ABCC8: variants seen among roughly 807,000 people sequenced by gnomAD.
ABCC8 encodes the protein ATP-binding cassette sub-family C member 8.
Under a neutral mutation model 188.0 loss-of-function variants are expected in ABCC8, and 137 were observed. The ratio of observed to expected loss-of-function variants is 0.73; its 90% confidence interval spans 0.63 to 0.84. The LOEUF (loss-of-function observed/expected upper bound fraction) is 0.84. ABCC8 is among the 40% of genes least tolerant of loss of function. The pLI is 0.00. For missense variants in ABCC8, 1,750 were observed against 2,072.7 expected, an observed-to-expected ratio of 0.84 and a Z score of 3.02; for synonymous variants, 797 against 846.5, an observed-to-expected ratio of 0.94 and a Z score of 1.01.
intron 8 of ABCC8, among the ~76,000 whole-genome samples, chr11:17,447,816 T>C (rs1350100332): frequency 6.6e-6 from 1 of 152,204 alleles, no homozygotes; most frequent in Non-Finnish European, 1.5e-5. Flanking sequence ...AAAAGTATCA[T>C]GTTGTTGATT....
At chr11:17,469,416 T>C (rs1257374312) in intron 3 of ABCC8, among the ~76,000 whole-genome samples, 1 of 152,074 alleles carries the variant, frequency 6.6e-6, no homozygotes, top group African/African-American at 2.4e-5. Flanking sequence ...TTAGATGTCA[T>C]CTACAAGGCC....
rs574303874 is a variant in ABCC8, at chr11:17,450,791, C to T, written c.1177-2120G>A. 6.3e-4 allele frequency among the ~76,000 whole-genome samples: 92 copies of T among 144,998 alleles called. 1 individual carries two copies. The highest frequency in any genetic ancestry group is 1.8e-3 in the Admixed American group (24 of 13,650). On this transcript the variant is annotated intron_variant, in intron 7 of 38. Coordinates refer to ENST00000389817, the MANE Select transcript of ABCC8 (RefSeq NM_000352.6). ...GCAACCTCCACCTGCTGGGTTCAAG[C>T]GATTCTCCTGCCTCAGCCTCCTGAG... is the stretch of plus-strand genomic sequence containing the variant.
chr11:17,424,958 C>A (rs571196026), intron 16 of ABCC8, among the ~76,000 whole-genome samples: 1 of 152,196 alleles, frequency 6.6e-6, no homozygotes, highest in Admixed American at 6.5e-5. Flanking sequence ...ATGCACTTAG[C>A]AAAGGGCATG....
At chr11:17,443,424 C>A in intron 8 of ABCC8, 112 bp from the exon 9 acceptor site, 1 of 1,575,760 alleles carries the variant, frequency 6.3e-7, no homozygotes, top group South Asian at 1.1e-5. Context: ...GCCTTGGTGC[C>A]CAGGTTTCCA....
intron 12 of ABCC8, chr11:17,428,893 T>C (rs1482374089): frequency 9.6e-6 from 7 of 732,578 alleles, no homozygotes; most frequent in Admixed American, 8.8e-5. Flanking sequence ...GGGTCTGGAT[T>C]GGAGGTGAGA....
At chr11:17,462,950 C>T (rs1293232921) in intron 4 of ABCC8, among the ~76,000 whole-genome samples, 3 of 152,118 alleles carry the variant, frequency 2.0e-5, no homozygotes, top group Middle Eastern at 3.4e-3. Flanking sequence ...GAAAGACAAA[C>T]GAGTTCATTA....
In ABCC8 at chr11:17,470,226, A is replaced by T; in HGVS notation, c.291-4T>A. ...CAGATGGTGGGATTCGGTCACCCTG[A>T]GATGGGAGAGAGAAACAGACAGGAT... On this transcript the variant is annotated splice_polypyrimidine_tract_variant and splice_region_variant and intron_variant, in intron 2 of 38. Transcript: ENST00000389817. 1.2e-6 allele frequency: 2 copies of T among 1,614,058 alleles called. No homozygotes were observed. Among genetic ancestry groups the T allele is most frequent in the Non-Finnish European group, 1.7e-6 (2 of 1,180,014 alleles).
intron 2 of ABCC8, among the ~76,000 whole-genome samples, chr11:17,470,806 A>C (rs1334782745): frequency 6.6e-6 from 1 of 152,190 alleles, no homozygotes; most frequent in African/African-American, 2.4e-5. Flanking sequence ...ATACCAGCTC[A>C]TAGTCTCTCC....
chr11:17,426,916 C>A, intron 16 of ABCC8, 133 bp downstream of exon 16: 2 of 993,796 alleles, frequency 2.0e-6, no homozygotes, highest in Non-Finnish European at 2.9e-6. Flanking sequence ...ATGAGAATAT[C>A]CATTAGCAGC....
At chr11:17,415,630 G>C (rs1955034414) in intron 17 of ABCC8, among the ~76,000 whole-genome samples, 1 of 152,234 alleles carries the variant, frequency 6.6e-6, no homozygotes, top group African/African-American at 2.4e-5. Context: ...AAACTTGTCA[G>C]ATCAGGAGTA....
At chr11:17,470,020 C>G (rs1368593726) in intron 3 of ABCC8, 81 bp downstream of exon 3, 1 of 1,539,832 alleles carries the variant, frequency 6.5e-7, no homozygotes, top group African/African-American at 1.4e-5. Flanking sequence ...AGAGCAATAG[C>G]TGGCACATAA....
At chr11:17,438,731 C>T (rs1344988169) in intron 10 of ABCC8, among the ~76,000 whole-genome samples, 1 of 152,216 alleles carries the variant, frequency 6.6e-6, no homozygotes, top group Non-Finnish European at 1.5e-5. Flanking sequence ...GAAATCCCAC[C>T]ATCTTGCAAG....
In ABCC8 at chr11:17,393,933, C is replaced by A. The variant is rs530630819; in HGVS notation, c.4546-174G>T. ...CCCGGCACTCAGGGACTGGACTCAG[C>A]CTGTTGGGAGCTCAGCTCTGTGTGT... is the stretch of plus-strand genomic sequence containing the variant. On this transcript the variant is annotated intron_variant, in intron 37 of 38. Transcript: ENST00000389817. 3.6e-6 allele frequency: 3 copies of A among 842,516 alleles called. No homozygotes were observed. The African/African-American group carries it at 5.5e-5, about 16-fold the overall frequency. The allele number at this position is 842,516 out of a possible 1,614,324, so 52.2% of individuals were successfully genotyped here. A position where few individuals can be genotyped will look rare whatever the true frequency, so the allele number is the denominator to read the frequency against.
chr11:17,409,635 G>A (rs1954715040), intron 22 of ABCC8, among the ~76,000 whole-genome samples: 1 of 152,166 alleles, frequency 6.6e-6, no homozygotes, highest in Non-Finnish European at 1.5e-5. Flanking sequence ...AAAATAAGCA[G>A]AGCCATTTGG....
At position 17,435,749 on chromosome 11, in the gene ABCC8, T is replaced by A. The variant is rs189191331; in HGVS notation, c.1631-3505A>T. Reference sequence around the variant, plus strand: ...ACTCCAGATTGGTATAGCTGGGGAATCTTCAGGCCTTTTCCTAGGTCCCAC... The same window carrying A: ...ACTCCAGATTGGTATAGCTGGGGAAACTTCAGGCCTTTTCCTAGGTCCCAC... On this transcript the variant is annotated intron_variant, in intron 10 of 38. Coordinates refer to ENST00000389817, the MANE Select transcript of ABCC8 (RefSeq NM_000352.6). 229 of 1,346,368 alleles carry A rather than the reference T, an allele frequency of 1.7e-4. No homozygotes were observed. The African/African-American group carries it at 2.7e-3, about 16-fold the overall frequency. 83.4% of individuals were successfully genotyped at this position (1,346,368 alleles called of 1,614,324 possible).
In ABCC8 at chr11:17,412,753, C is replaced by A; in HGVS notation, c.2476-7G>T. On this transcript the variant is annotated splice_region_variant and splice_polypyrimidine_tract_variant and intron_variant, in intron 20 of 38. Transcript: ENST00000389817. ...CACCAGACAGGTTGATGCCCTGTCA[C>A]CAAAGAGGAGGAACACATCATGCCC... The A allele has an allele frequency of 1.2e-6, 2 of 1,605,766 alleles. No homozygotes were observed. The highest frequency in any genetic ancestry group is 1.7e-6 in the Non-Finnish European group (2 of 1,176,088).
At chr11:17,445,266 G>A (rs992847535) in intron 8 of ABCC8, among the ~76,000 whole-genome samples, 1 of 152,226 alleles carries the variant, frequency 6.6e-6, no homozygotes, top group Non-Finnish European at 1.5e-5. Flanking sequence ...ATTTTTCTGA[G>A]AAAGTTTCAC....
In ABCC8 at chr11:17,398,367, G is replaced by C. The variant is rs756849559; in HGVS notation, c.3725C>G (p.Ala1242Gly). 4 of 1,614,184 alleles carry C rather than the reference G, an allele frequency of 2.5e-6. No individual in the cohort carries two copies. Among genetic ancestry groups the C allele is most frequent in the Non-Finnish European group, 3.4e-6 (4 of 1,180,020 alleles). The change falls in exon 30 of 39, where the codon GCT (alanine) becomes GGT (glycine). Residue 1242 changes from alanine (A) to glycine (G), a missense_variant. Transcript: ENST00000389817. ...SNNIASLFLTAANRWLEVRME... is the reference protein window; with the variant it reads ...SNNIASLFLTGANRWLEVRME... ...TCGGACTTCCAGCCATCTGTTGGCA[G>C]CTGTGAGGAAGAGGGAAGCAATGTT...
At chr11:17,474,011 G>A (rs192233212) in intron 2 of ABCC8, among the ~76,000 whole-genome samples, 1 of 152,166 alleles carries the variant, frequency 6.6e-6, no homozygotes, top group East Asian at 1.9e-4. Flanking sequence ...TTTCTCTTTG[G>A]TGCCTTTTCC....
Sources: gnomAD v4.1 joint callset for allele counts (sites outside exome capture counted in the v4.1 genomes callset) on GRCh38, gnomAD v4.1.1 for gene constraint, MANE v1.5 for transcripts, NCBI Gene and HGNC (gene_info 2026-07-23, HGNC 2026-07-21) for gene names.